COL5A1: variants seen among roughly 807,000 people sequenced by gnomAD.
COL5A1 encodes collagen alpha-1(V) chain.
A neutral mutation model predicts 263.7 loss-of-function variants in COL5A1; 16 were observed. That is an observed-to-expected ratio of 0.06 (90% CI 0.04 to 0.09). COL5A1 has a LOEUF of 0.09. Ranked by LOEUF, COL5A1 falls within the 10% of genes least tolerant of loss-of-function variation. COL5A1 has a pLI of 1.00. For synonymous variants in COL5A1, 1,012 were observed against 1,004.5 expected, an observed-to-expected ratio of 1.01 and a Z score of -0.14; for missense variants, 2,036 against 2,540.5, an observed-to-expected ratio of 0.80 and a Z score of 4.27.
At chr9:134,745,439 G>A (rs1411895884) in intron 11 of COL5A1, among the ~76,000 whole-genome samples, 2 of 152,204 alleles carry the variant, frequency 1.3e-5, no homozygotes, top group Admixed American at 6.5e-5. Context: ...GAGTCCAGGA[G>A]TCTTTCTCAC....
Position 134,646,719 on chromosome 9 carries a change from G to C in COL5A1, c.109+4423G>C, listed in dbSNP as rs190014634. On this transcript the variant is annotated intron_variant, in intron 1 of 65. Transcript: ENST00000371817. ...CAGCTCTGCAGACAGCTCCACAGCT[G>C]TGGATTAGGATGTGGGGGCCTCTGG... Among the ~76,000 whole-genome samples the C allele has an allele frequency of 4.2e-3, 646 of 152,310 alleles. 32 individuals carry two copies. In the South Asian group the frequency reaches 0.095, roughly 22 times the overall value.
rs886820157 is a variant in COL5A1 at position 134,821,967 on chromosome 9, C to T, written c.4555-130C>T. ...ATCAGAAAGCAGCCACAGGAGGCTG[C>T]TGAGGGGCCAAAGGGCATACCGTGG... On this transcript the variant is annotated intron_variant, in intron 58 of 65. Coordinates refer to ENST00000371817, the MANE Select transcript of COL5A1 (RefSeq NM_000093.5). This position sits in a 1 kb window ranked among gnomAD's most constrained non-coding sequence, Gnocchi z 4.2. The T allele has an allele frequency of 4.9e-6, 4 of 822,864 alleles. No homozygotes were observed. Among genetic ancestry groups the T allele is most frequent in the African/African-American group, 3.3e-5 (2 of 60,048 alleles). The allele number at this position is 822,864 out of a possible 1,614,324, so 51.0% of individuals were successfully genotyped here. A position where few individuals can be genotyped will look rare whatever the true frequency, so the allele number is the denominator to read the frequency against.
chr9:134,698,103 A>C (rs375079201), intron 2 of COL5A1, among the ~76,000 whole-genome samples: 133 of 152,232 alleles, frequency 8.7e-4, no homozygotes, highest in African/African-American at 2.9e-3. Context: ...CCACAAAAAA[A>C]CCCAAAAAAA....
chr9:134,694,831 G>A (rs1289799073), intron 2 of COL5A1, among the ~76,000 whole-genome samples: 1 of 152,158 alleles, frequency 6.6e-6, no homozygotes, highest in African/African-American at 2.4e-5. Context: ...CTGCAGTGCA[G>A]ACATCGCCTC....
intron 1 of COL5A1, among the ~76,000 whole-genome samples, chr9:134,670,118 ATC>A (rs1471741471): frequency 7.2e-5 from 11 of 152,214 alleles, no homozygotes; most frequent in African/African-American, 2.7e-4. Context: ...CTTTGTAAAT[ATC>A]TCAACGGCTG....
At chr9:134,718,891 T>C (rs74422754) in intron 4 of COL5A1, among the ~76,000 whole-genome samples, 4,420 of 152,182 alleles carry the variant, frequency 0.029, 217 homozygotes, top group African/African-American at 0.1. Flanking sequence ...GCTGCAAGAA[T>C]GGGAGTAGGG....
At chr9:134,753,765 T>TG in intron 14 of COL5A1, 85 bp from the exon 15 acceptor site, 6 of 485,438 alleles carry the variant, frequency 1.2e-5, no homozygotes, top group South Asian at 4.6e-5. Context: ...CCCCTCCCCC[T>TG]GCCCCTCCCC....
chr9:134,772,679 G>A, intron 25 of COL5A1, 111 bp from the exon 26 acceptor site: 1 of 1,172,772 alleles, frequency 8.5e-7, no homozygotes, highest in Admixed American at 1.7e-5. Context: ...GTTTTCCTGG[G>A]GAGGAAGGGA....
chr9:134,780,189 G>C lies in COL5A1; in HGVS notation c.2430+43G>C, dbSNP rs1261556564. ...GCCACGGGGCCCCCTGCTTAGTCCGGAGCCGAATTCCAGCCAGCGGGGCCC... is the reference window on the plus strand; with the variant it reads ...GCCACGGGGCCCCCTGCTTAGTCCGCAGCCGAATTCCAGCCAGCGGGGCCC... On this transcript the variant is annotated intron_variant, in intron 28 of 65. Transcript: ENST00000371817. 4 of 1,601,510 alleles carry C rather than the reference G, an allele frequency of 2.5e-6. No individual in the cohort carries two copies. The African/African-American group carries it at 5.3e-5, about 21-fold the overall frequency.
chr9:134,824,950 G>C, intron 62 of COL5A1, 95 bp downstream of exon 62: 2 of 1,477,032 alleles, frequency 1.4e-6, no homozygotes, highest in South Asian at 2.6e-5. Flanking sequence ...CAGGCACAGC[G>C]GAAGGGACAG....
intron 18 of COL5A1, among the ~76,000 whole-genome samples, chr9:134,759,516 TAC>T (rs375476981): frequency 5.3e-5 from 4 of 75,996 alleles, no homozygotes; most frequent in Admixed American, 1.5e-4. Context: ...CACACACACA[TAC>T]ACACACCACA....
intron 11 of COL5A1, among the ~76,000 whole-genome samples, chr9:134,745,880 C>T (rs117716327): frequency 0.032 from 4,883 of 152,224 alleles, 116 homozygotes; most frequent in Non-Finnish European, 0.048. Context: ...GGCCACTGGC[C>T]GTCCTCTGCC....
chr9:134,812,560 A>G (rs1344577871), intron 47 of COL5A1, 45 bp from the exon 48 acceptor site: 4 of 1,612,416 alleles, frequency 2.5e-6, no homozygotes, highest in African/African-American at 2.7e-5. Context: ...TTTTGGGGAA[A>G]CATTTGCGTT....
At chr9:134,834,252 G>A (rs995802853) in intron 64 of COL5A1, among the ~76,000 whole-genome samples, 6 of 152,194 alleles carry the variant, frequency 3.9e-5, no homozygotes, top group Non-Finnish European at 5.9e-5. Flanking sequence ...CCCAGCGATC[G>A]GGTGCAGAGC....
In COL5A1 at chr9:134,768,441, T is replaced by G. The variant is rs769653444; in HGVS notation, c.2264T>G (p.Met755Arg). ...GPLGKPGLPG[M>R]PGADGPPGHP... The stretch of plus-strand genomic sequence containing the variant: ...TTGGGGAAACCAGGCCTTCCAGGAA[T>G]GCCCGGTGCTGACGGACCCCCGGTG... The change falls in exon 25 of 66, where the codon ATG becomes AGG. Residue 755 changes from methionine (M) to arginine (R), a missense_variant. Transcript: ENST00000371817. 2 of 1,614,018 alleles carry G rather than the reference T, an allele frequency of 1.2e-6. No homozygotes were observed. The highest frequency in any genetic ancestry group is 4.5e-5 in the East Asian group (2 of 44,868).
At chr9:134,692,937 G>A (rs1025901696) in intron 2 of COL5A1, among the ~76,000 whole-genome samples, 3 of 152,168 alleles carry the variant, frequency 2.0e-5, no homozygotes, top group Non-Finnish European at 2.9e-5. Context: ...GCTGGACGTG[G>A]TGGTGCGCGC....
chr9:134,708,421 G>GGT (rs1554782822), intron 4 of COL5A1: 2 of 408,072 alleles, frequency 4.9e-6, no homozygotes, highest in Non-Finnish European at 9.7e-6. Flanking sequence ...GCAACTCCCG[G>GGT]GGTGGGGGCT....
chr9:134,721,494 A>G (rs1834454932), intron 4 of COL5A1, among the ~76,000 whole-genome samples: 1 of 152,090 alleles, frequency 6.6e-6, no homozygotes, highest in Admixed American at 6.5e-5. Flanking sequence ...CACAGCCCCG[A>G]GGGCAGAGCT....
chr9:134,666,233 G>A (rs944523564), intron 1 of COL5A1, among the ~76,000 whole-genome samples: 11 of 152,194 alleles, frequency 7.2e-5, no homozygotes, highest in Non-Finnish European at 1.6e-4. Context: ...TGAAACTGTC[G>A]TTGCCATCCT....
Sources: gnomAD v4.1 joint callset for allele counts (sites outside exome capture counted in the v4.1 genomes callset) on GRCh38, gnomAD v4.1.1 for gene constraint, Gnocchi (gnomAD v3.1) non-coding constraint, MANE v1.5 for transcripts, NCBI Gene and HGNC (gene_info 2026-07-23, HGNC 2026-07-21) for gene names.